Variants in PDSS2 observed in about 807,000 individuals in gnomAD.
PDSS2 encodes the protein decaprenyl diphosphate synthase subunit 2.
In PDSS2, 31 loss-of-function variants were observed where a neutral mutation model predicts 44.5. The observed-to-expected ratio is 0.70, with a 90% confidence interval of 0.52 to 0.94. The LOEUF is 0.94. PDSS2 is among the 40% of genes least tolerant of loss of function. The pLI is 0.00. For synonymous variants in PDSS2, 157 were observed against 180.3 expected (o/e 0.87, Z 1.03); for missense variants, 452 against 482.2 (o/e 0.94, Z 0.59).
intron 3 of PDSS2, among the ~76,000 whole-genome samples, chr6:107,263,715 A>C (rs1775322088): frequency 6.6e-6 from 1 of 152,150 alleles, no homozygotes; most frequent in Non-Finnish European, 1.5e-5. Flanking sequence ...TATTACTTTC[A>C]CTTTAAAGAT....
intron 7 of PDSS2, among the ~76,000 whole-genome samples, chr6:107,165,044 T>A (rs1396939562): frequency 3.3e-5 from 5 of 152,166 alleles, no homozygotes; most frequent in Admixed American, 1.3e-4. Context: ...GTTTGAGTTC[T>A]TTGTAGATTC....
chr6:107,355,690 T>C (rs1203696552), intron 1 of PDSS2, among the ~76,000 whole-genome samples: 1 of 152,170 alleles, frequency 6.6e-6, no homozygotes, highest in Non-Finnish European at 1.5e-5. Context: ...TGGAAAACCA[T>C]CTAGAAACTG....
At chr6:107,405,622 C>A (rs58953874) in intron 1 of PDSS2, among the ~76,000 whole-genome samples, 1 of 151,684 alleles carries the variant, frequency 6.6e-6, no homozygotes, top group Non-Finnish European at 1.5e-5. Context: ...CCGAGGCGGG[C>A]GGATCACGAG....
At chr6:107,361,726 G>C (rs544727779) in intron 1 of PDSS2, among the ~76,000 whole-genome samples, 70 of 152,296 alleles carry the variant, frequency 4.6e-4, no homozygotes, top group Non-Finnish European at 7.5e-4. Context: ...TGAGGTGGTT[G>C]ACAAATCCTC....
chr6:107,401,790 G>A (rs77492904), intron 1 of PDSS2, among the ~76,000 whole-genome samples: 2,793 of 149,738 alleles, frequency 0.019, 73 homozygotes, highest in East Asian at 0.13. Flanking sequence ...GCAGGTGAAA[G>A]AATTTCAAAA....
At chr6:107,432,593 C>G (rs1344047293) in intron 1 of PDSS2, among the ~76,000 whole-genome samples, 8 of 152,082 alleles carry the variant, frequency 5.3e-5, no homozygotes. Context: ...GAGTTTGAGA[C>G]CAGCCTAGCC....
intron 2 of PDSS2, among the ~76,000 whole-genome samples, chr6:107,323,712 A>ACC (rs1168940430): frequency 1.3e-5 from 2 of 152,226 alleles, no homozygotes; most frequent in African/African-American, 4.8e-5. Context: ...AACTTCTATC[A>ACC]CATGATGAAT....
At chr6:107,215,619 G>A (rs768896432) in intron 4 of PDSS2, among the ~76,000 whole-genome samples, 12 of 152,160 alleles carry the variant, frequency 7.9e-5, no homozygotes, top group Middle Eastern at 3.4e-3. Context: ...AACTCTTACT[G>A]TTTGAAGGCA....
At chr6:107,183,209 A>T (rs1390223239) in intron 7 of PDSS2, among the ~76,000 whole-genome samples, 5 of 17,834 alleles carry the variant, frequency 2.8e-4, no homozygotes, top group Admixed American at 1.9e-3. Flanking sequence ...AGACTGTCTA[A>T]AAAAAAAAAA....
At chr6:107,408,522 A>C (rs1331613307) in intron 1 of PDSS2, among the ~76,000 whole-genome samples, 1 of 152,150 alleles carries the variant, frequency 6.6e-6, no homozygotes, top group African/African-American at 2.4e-5. Flanking sequence ...CTTCCTCTTA[A>C]CCTGGTAGTG....
rs570272600 is a variant in PDSS2 at position 107,289,199 on chromosome 6, C to A, written c.432-14972G>T. ...ACCAGTCTGGCCAACATGGTGAAAC[C>A]CCATCTCTACTAAAAATACAAAAAT... On this transcript the variant is annotated intron_variant, in intron 2 of 7. Transcript: ENST00000369037. Among the ~76,000 whole-genome samples, 3 of 150,762 alleles carry A rather than the reference C, an allele frequency of 2.0e-5. No individual in the cohort carries two copies. In the South Asian group the frequency reaches 6.3e-4, roughly 32 times the overall value.
At chr6:107,413,682 C>T (rs1356500849) in intron 1 of PDSS2, among the ~76,000 whole-genome samples, 1 of 152,206 alleles carries the variant, frequency 6.6e-6, no homozygotes, top group Admixed American at 6.5e-5. Flanking sequence ...CCAGGCTGAT[C>T]TTGAACGCCT....
chr6:107,457,295 C>G (rs574247009), intron 1 of PDSS2, among the ~76,000 whole-genome samples: 1 of 152,112 alleles, frequency 6.6e-6, no homozygotes, highest in African/African-American at 2.4e-5. Flanking sequence ...TGATATTACA[C>G]CATCGTTTCA....
chr6:107,174,758 A>G (rs145233057), intron 7 of PDSS2, among the ~76,000 whole-genome samples: 15 of 152,360 alleles, frequency 9.8e-5, no homozygotes, highest in African/African-American at 3.4e-4. Context: ...AGAAAGAGAC[A>G]AAGAGAATTT....
intron 1 of PDSS2, among the ~76,000 whole-genome samples, chr6:107,382,456 T>TA (rs1367533274): frequency 6.6e-6 from 1 of 152,022 alleles, no homozygotes; most frequent in African/African-American, 2.4e-5. Context: ...AAAATTACCA[T>TA]AAAACTACAG....
At chr6:107,277,884 C>G (rs562799803) in intron 2 of PDSS2, among the ~76,000 whole-genome samples, 1 of 151,940 alleles carries the variant, frequency 6.6e-6, no homozygotes, top group Non-Finnish European at 1.5e-5. Context: ...CACTTGAACC[C>G]GGAAGGCAGA....
chr6:107,305,062 T>A (rs1280377424), intron 2 of PDSS2, among the ~76,000 whole-genome samples: 1 of 152,148 alleles, frequency 6.6e-6, no homozygotes, highest in African/African-American at 2.4e-5. Flanking sequence ...AGCAGAAAGG[T>A]CTACTGAATA....
At chr6:107,336,730 C>A (rs1461228051) in intron 1 of PDSS2, among the ~76,000 whole-genome samples, 1 of 149,930 alleles carries the variant, frequency 6.7e-6, no homozygotes, top group Non-Finnish European at 1.5e-5. Context: ...TTATGTATTA[C>A]CTATAGTGAA....
At chr6:107,155,747 CTT>C in intron 7 of PDSS2, among the ~76,000 whole-genome samples, 1 of 149,232 alleles carries the variant, frequency 6.7e-6, no homozygotes, top group East Asian at 2.1e-4. Flanking sequence ...GCCCAGGTAA[CTT>C]TTGTATTTTT....
Sources: allele counts gnomAD v4.1 joint callset (sites outside exome capture counted in the v4.1 genomes callset), GRCh38; gene constraint gnomAD v4.1.1; transcripts MANE v1.5; gene names NCBI Gene and HGNC (gene_info 2026-07-23, HGNC 2026-07-21).